Variants in PLEKHH2 observed in about 807,000 individuals in gnomAD.
The protein encoded by PLEKHH2 is pleckstrin homology domain-containing family H member 2.
Under a neutral mutation model 187.9 loss-of-function variants are expected in PLEKHH2, and 129 were observed. The observed-to-expected ratio is 0.69, with a 90% confidence interval of 0.59 to 0.79. PLEKHH2 has a LOEUF of 0.79. Among genes scored for constraint, PLEKHH2 ranks in the 30% least tolerant of loss-of-function variants. The pLI is 0.00. For missense variants in PLEKHH2, 2,076 were observed against 1,751.2 expected (o/e 1.19, Z -3.31); for synonymous variants, 686 against 605.6 (o/e 1.13, Z -1.95).
At position 43,676,006 on chromosome 2, in the gene PLEKHH2, T is replaced by C. The variant is rs1336477900; in HGVS notation, c.124-2857T>C. 5 of 1,614,044 alleles carry C rather than the reference T, an allele frequency of 3.1e-6. No individual in the cohort carries two copies. In the South Asian group the frequency reaches 3.3e-5, roughly 11 times the overall value. Reference sequence around the variant, plus strand: ...ATTACTTTCTATATTGAACAAATTATCATTTTTAGTATCGTAGAGCTCTGC... The same window carrying C: ...ATTACTTTCTATATTGAACAAATTACCATTTTTAGTATCGTAGAGCTCTGC... On this transcript the variant is annotated intron_variant, in intron 2 of 29. Coordinates refer to ENST00000282406, the MANE Select transcript of PLEKHH2 (RefSeq NM_172069.4).
chr2:43,695,196 G>C lies in PLEKHH2; in HGVS notation c.474G>C (p.Glu158Asp), dbSNP rs181193760. ...LRLINQNQTE[E>D]IRTMQSKLQE... ...TGATCAACCAAAACCAAACTGAAGA[G>C]ATAAGAACAATGCAGTCAAAACTAC... The change falls in exon 6 of 30, where the codon GAG becomes GAC. Residue 158 changes from glutamate (E) to aspartate (D), a missense_variant. Transcript: ENST00000282406. 76 of 1,596,414 alleles carry C rather than the reference G, an allele frequency of 4.8e-5. No individual in the cohort carries two copies. The African/African-American group carries it at 9.4e-4, about 20-fold the overall frequency.
chr2:43,735,664 C>T (rs985073307), intron 19 of PLEKHH2, among the ~76,000 whole-genome samples: 4 of 152,048 alleles, frequency 2.6e-5, no homozygotes, highest in Non-Finnish European at 1.5e-5. Context: ...ATGTTGCAGG[C>T]ATGTATCAAA....
intron 3 of PLEKHH2, 61 bp from the exon 4 acceptor site, chr2:43,692,453 G>C: frequency 7.3e-7 from 1 of 1,375,740 alleles, no homozygotes; most frequent in Non-Finnish European, 1.0e-6. Flanking sequence ...AAAATTCTAG[G>C]TTTAATACTG....
intron 2 of PLEKHH2, among the ~76,000 whole-genome samples, chr2:43,647,275 T>A (rs1283021277): frequency 6.6e-6 from 1 of 152,218 alleles, no homozygotes; most frequent in Non-Finnish European, 1.5e-5. Flanking sequence ...AACTATCCTA[T>A]GAGGTAGTTA....
chr2:43,657,042 AAAT>A (rs1666809791), intron 2 of PLEKHH2, among the ~76,000 whole-genome samples: 1 of 60,714 alleles, frequency 1.6e-5, no homozygotes, highest in Non-Finnish European at 4.2e-5. Context: ...AAACAAAACA[AAAT>A]AAAACAAAAA....
chr2:43,752,090 A>G (rs946078632), intron 24 of PLEKHH2, among the ~76,000 whole-genome samples: 5 of 152,284 alleles, frequency 3.3e-5, no homozygotes, highest in African/African-American at 9.6e-5. Flanking sequence ...GGTAACACTT[A>G]GCTAAACTCT....
chr2:43,757,107 AT>A lies in PLEKHH2; in HGVS notation c.3796-9del, dbSNP rs749296124. On this transcript the variant is annotated splice_polypyrimidine_tract_variant and intron_variant, in intron 25 of 29. Transcript: ENST00000282406. ...TTTCAATATATTTTCACTTTTGTGG[AT>A]TTCCAATTAGGTAGAGATTGGAGAT... 6.5e-7 allele frequency: 1 copy of A among 1,550,080 alleles called. No individual in the cohort carries two copies. The highest frequency in any genetic ancestry group is 2.3e-5 in the East Asian group (1 of 42,674).
chr2:43,695,215 A>G lies in PLEKHH2; in HGVS notation c.493A>G (p.Lys165Glu), dbSNP rs1669028271. The change falls in exon 6 of 30, where the codon AAA (lysine) becomes GAA (glutamate). Residue 165 changes from lysine (K) to glutamate (E), a missense_variant. Coordinates refer to ENST00000282406, the MANE Select transcript of PLEKHH2 (RefSeq NM_172069.4). Reference protein sequence around the residue: ...QTEEIRTMQSKLQEVQGKKSS... With the variant: ...QTEEIRTMQSELQEVQGKKSS... ...TGAAGAGATAAGAACAATGCAGTCAAAACTACAAGGTACAAATACTTTACT... is the reference window on the plus strand; with the variant it reads ...TGAAGAGATAAGAACAATGCAGTCAGAACTACAAGGTACAAATACTTTACT... 2.5e-6 allele frequency: 4 copies of G among 1,578,096 alleles called. No individual in the cohort carries two copies. Among genetic ancestry groups the G allele is most frequent in the Non-Finnish European group, 3.5e-6 (4 of 1,154,826 alleles).
chr2:43,654,401 T>C (rs551413258), intron 2 of PLEKHH2, among the ~76,000 whole-genome samples: 1 of 152,020 alleles, frequency 6.6e-6, no homozygotes, highest in East Asian at 2.0e-4. Flanking sequence ...TTCACCATGT[T>C]GGCCAGGATG....
chr2:43,764,546 A>G (rs2104633462), intron 29 of PLEKHH2, among the ~76,000 whole-genome samples, 181 bp downstream of exon 29: 1 of 152,308 alleles, frequency 6.6e-6, no homozygotes, highest in East Asian at 1.9e-4. Flanking sequence ...AACTTACATC[A>G]TCTTTCCAAG....
At chr2:43,735,466 A>G (rs1366773889) in intron 19 of PLEKHH2, among the ~76,000 whole-genome samples, 1 of 152,180 alleles carries the variant, frequency 6.6e-6, no homozygotes, top group Non-Finnish European at 1.5e-5. Context: ...GTTAATGGGT[A>G]CAAAAATACA....
chr2:43,738,333 T>C lies in PLEKHH2; in HGVS notation c.2944-8T>C, dbSNP rs200967298. ...CACCTTGAATATATCTTTTTTTGTT[T>C]AATTCAGACCTGCCAGCTTTTTATA... On this transcript the variant is annotated splice_polypyrimidine_tract_variant and splice_region_variant and intron_variant, in intron 19 of 29. Coordinates refer to ENST00000282406, the MANE Select transcript of PLEKHH2 (RefSeq NM_172069.4). 129 of 1,595,652 alleles carry C rather than the reference T, an allele frequency of 8.1e-5. 1 individual carries two copies. Among genetic ancestry groups the C allele is most frequent in the Admixed American group, 1.4e-4 (8 of 58,288 alleles).
Position 43,697,236 on chromosome 2 carries a change from A to T in PLEKHH2, c.568A>T (p.Ser190Cys). 1 of 1,613,996 alleles carries T rather than the reference A, an allele frequency of 6.2e-7. No homozygotes were observed. Among genetic ancestry groups the T allele is most frequent in the Non-Finnish European group, 8.5e-7 (1 of 1,179,874 alleles). Residue 190 changes from serine (S) to cysteine (C), a missense_variant, in exon 7 of 30, where the codon AGT becomes TGT. Ser to Cys is a moderately radical substitution (Grantham distance 112, BLOSUM62 -1). Coordinates refer to ENST00000282406, the MANE Select transcript of PLEKHH2 (RefSeq NM_172069.4). ...LKLSEGQRLS[S>C]LTFGCFLSRA... ...GCTTTCGGAAGGCCAGCGCCTGAGC[A>T]GTTTGACCTTTGGGTGCTTTTTATC... is the stretch of plus-strand genomic sequence containing the variant.
rs1399913157 is a variant in PLEKHH2, at chr2:43,678,384, GC to G, written c.124-477del. Among the ~76,000 whole-genome samples the G allele has an allele frequency of 2.6e-5, 4 of 152,248 alleles. No individual in the cohort carries two copies. In the East Asian group the frequency reaches 7.7e-4, roughly 29 times the overall value. ...GGCTGGGAGGTGGAGGTTGTAGCGAGCCGAGATCACGCCACTGCACTCCAGC... is the reference window on the plus strand; with the variant it reads ...GGCTGGGAGGTGGAGGTTGTAGCGAGCGAGATCACGCCACTGCACTCCAGC... On this transcript the variant is annotated intron_variant, in intron 2 of 29. Transcript: ENST00000282406.
chr2:43,685,921 A>G (rs1668481343), intron 3 of PLEKHH2, among the ~76,000 whole-genome samples: 1 of 152,202 alleles, frequency 6.6e-6, no homozygotes, highest in Non-Finnish European at 1.5e-5. Context: ...TTAATATATT[A>G]CATTTATTTA....
chr2:43,762,226 A>T, intron 27 of PLEKHH2, 78 bp from the exon 28 acceptor site: 1 of 1,101,096 alleles, frequency 9.1e-7, no homozygotes, highest in Non-Finnish European at 1.4e-6. Flanking sequence ...GGCAAATGTT[A>T]CATGACATTT....
intron 2 of PLEKHH2, 143 bp from the exon 3 acceptor site, chr2:43,678,719 AC>A (rs1457609244): frequency 2.1e-5 from 10 of 479,552 alleles, no homozygotes; most frequent in Non-Finnish European, 3.5e-5. Flanking sequence ...GGAGAGGGAG[AC>A]CGTGGGTAGA....
intron 8 of PLEKHH2, among the ~76,000 whole-genome samples, chr2:43,700,990 A>G (rs980695500): frequency 2.6e-5 from 4 of 152,066 alleles, no homozygotes; most frequent in African/African-American, 9.7e-5. Context: ...GACGTTTTCC[A>G]GTTTTTAGGA....
chr2:43,650,375 T>G (rs575787988), intron 2 of PLEKHH2, among the ~76,000 whole-genome samples: 69 of 152,106 alleles, frequency 4.5e-4, no homozygotes, highest in Admixed American at 8.5e-4. Flanking sequence ...TTAACTGATC[T>G]GCCCACCTTG....
Sources: gnomAD v4.1 joint callset for allele counts (sites outside exome capture counted in the v4.1 genomes callset) on GRCh38, gnomAD v4.1.1 for gene constraint, MANE v1.5 for transcripts, NCBI Gene and HGNC (gene_info 2026-07-23, HGNC 2026-07-21) for gene names.